Variants in FAM227B observed in about 807,000 individuals in gnomAD.
FAM227B encodes the protein protein FAM227B.
FAM227B carries 88 observed loss-of-function variants against 73.8 expected under a neutral mutation model. The ratio of observed to expected loss-of-function variants is 1.19; its 90% CI spans 1.00 to 1.42. FAM227B has a LOEUF of 1.42. Among genes scored for constraint, FAM227B ranks in the 40% most tolerant of loss-of-function variants. The probability of loss-of-function intolerance (pLI) is 0.00; values close to 1 mark genes in which losing one functional copy is unlikely to be tolerated. For missense variants in FAM227B, 632 were observed against 590.9 expected, an observed-to-expected ratio of 1.07 and a Z score of -0.72; for synonymous variants, 210 against 190.5, an observed-to-expected ratio of 1.10 and a Z score of -0.84.
chr15:49,340,403 G>GC (rs373386438), intron 13 of FAM227B, among the ~76,000 whole-genome samples: 10,439 of 94,434 alleles, frequency 0.11, 514 homozygotes, highest in Non-Finnish European at 0.15. Context: ...GCAGTGCCCC[G>GC]CCCCCCCCCT....
intron 11 of FAM227B, among the ~76,000 whole-genome samples, chr15:49,452,782 A>G (rs1056838426): frequency 1.3e-5 from 2 of 152,132 alleles, no homozygotes; most frequent in African/African-American, 4.8e-5. Flanking sequence ...AATAATGAAT[A>G]CTGTATATGT....
chr15:49,509,434 A>G (rs1385363227), intron 10 of FAM227B, among the ~76,000 whole-genome samples: 1 of 152,096 alleles, frequency 6.6e-6, no homozygotes. Context: ...AAAGAGAGAG[A>G]GGGATTACTA....
chr15:49,450,932 C>G (rs968890332), intron 11 of FAM227B, among the ~76,000 whole-genome samples: 1 of 152,134 alleles, frequency 6.6e-6, no homozygotes, highest in Admixed American at 6.6e-5. Context: ...AGTATAGCTA[C>G]AGCTAATCAA....
At chr15:49,480,867 T>A (rs2055882414) in intron 11 of FAM227B, among the ~76,000 whole-genome samples, 1 of 152,164 alleles carries the variant, frequency 6.6e-6, no homozygotes, top group Non-Finnish European at 1.5e-5. Flanking sequence ...AGGGGCAATA[T>A]GAACTTATTG....
chr15:49,517,795 T>C (rs1177247727), intron 10 of FAM227B, among the ~76,000 whole-genome samples: 5 of 152,192 alleles, frequency 3.3e-5, no homozygotes, highest in East Asian at 3.8e-4. Flanking sequence ...TTCTAGTTAC[T>C]ACCCATTCCA....
chr15:49,591,484 C>T (rs1322829089), intron 3 of FAM227B, among the ~76,000 whole-genome samples: 2 of 55,410 alleles, frequency 3.6e-5, no homozygotes, highest in South Asian at 6.7e-4. Context: ...CCCTTCCTTC[C>T]TTTTTTTTTT....
chr15:49,513,763 T>TA (rs772159934), intron 10 of FAM227B, among the ~76,000 whole-genome samples: 1 of 152,322 alleles, frequency 6.6e-6, no homozygotes, highest in Non-Finnish European at 1.5e-5. Context: ...CATCTTGAGT[T>TA]ATATTTTTAT....
chr15:49,490,410 A>G (rs2056987362), intron 11 of FAM227B, among the ~76,000 whole-genome samples: 1 of 151,980 alleles, frequency 6.6e-6, no homozygotes, highest in African/African-American at 2.4e-5. Context: ...TAAAATTGCA[A>G]TTGTTTTCCA....
At chr15:49,453,690 G>A (rs2052996413) in intron 11 of FAM227B, among the ~76,000 whole-genome samples, 2 of 152,116 alleles carry the variant, frequency 1.3e-5, no homozygotes, top group Non-Finnish European at 2.9e-5. Context: ...CCCACGTGCT[G>A]TTTAATCTGA....
In FAM227B at chr15:49,599,402, T is replaced by C. The variant is rs116450346; in HGVS notation, c.106-9395A>G. ...TTTCAGAAAACACAATTCAGTTTTG[T>C]TGATCATCTCTATTGTTTTTCCAGT... On this transcript the variant is annotated intron_variant, in intron 3 of 15. Coordinates refer to ENST00000299338, the MANE Select transcript of FAM227B (RefSeq NM_152647.3). Among the ~76,000 whole-genome samples, 914 of 152,150 alleles carry C rather than the reference T, an allele frequency of 6.0e-3. 15 individuals are homozygous for C. The highest frequency in any genetic ancestry group is 0.021 in the African/African-American group (885 of 41,556).
chr15:49,478,588 G>A (rs1489473043), intron 11 of FAM227B, among the ~76,000 whole-genome samples: 8 of 151,974 alleles, frequency 5.3e-5, no homozygotes, highest in Non-Finnish European at 1.2e-4. Context: ...GTTTTAACAT[G>A]CCAAAGAGGG....
intron 3 of FAM227B, among the ~76,000 whole-genome samples, chr15:49,596,633 T>C (rs1413736812): frequency 1.3e-5 from 2 of 151,874 alleles, no homozygotes; most frequent in Non-Finnish European, 2.9e-5. Flanking sequence ...TCTCAATACA[T>C]TGGATGTAAA....
chr15:49,471,656 A>G (rs1168439680), intron 11 of FAM227B, among the ~76,000 whole-genome samples: 1 of 152,082 alleles, frequency 6.6e-6, no homozygotes, highest in Non-Finnish European at 1.5e-5. Context: ...CTAATCAAGA[A>G]TGGCGAATCT....
intron 10 of FAM227B, 91 bp downstream of exon 10, chr15:49,541,589 C>G: frequency 8.7e-7 from 1 of 1,151,666 alleles, no homozygotes; most frequent in Admixed American, 3.1e-5. Context: ...AAAAGAACTA[C>G]CAATATTTTT....
At chr15:49,446,894 A>G (rs1158628287) in intron 11 of FAM227B, among the ~76,000 whole-genome samples, 1 of 151,508 alleles carries the variant, frequency 6.6e-6, no homozygotes, top group Non-Finnish European at 1.5e-5. Flanking sequence ...ACTAAAGAGA[A>G]GGAAAAGCAA....
chr15:49,563,915 G>C (rs923932717), intron 9 of FAM227B, among the ~76,000 whole-genome samples: 1 of 152,110 alleles, frequency 6.6e-6, no homozygotes, highest in African/African-American at 2.4e-5. Flanking sequence ...TACCTTTCTG[G>C]ACATTGGCCT....
In FAM227B at chr15:49,430,915, G is replaced by T. The variant is rs570252603; in HGVS notation, c.1013-59516C>A. On this transcript the variant is annotated intron_variant, in intron 11 of 15. Transcript: ENST00000299338. Reference sequence around the variant, plus strand: ...AAGGGTCTATCCAGATCAGAGAAAAGACATAAAGCTAGAGGACTGTTCTCT... The same window carrying T: ...AAGGGTCTATCCAGATCAGAGAAAATACATAAAGCTAGAGGACTGTTCTCT... 9.4e-4 allele frequency among the ~76,000 whole-genome samples: 143 copies of T among 151,836 alleles called. 5 individuals are homozygous for T. In the South Asian group the frequency reaches 0.027, roughly 29 times the overall value.
At chr15:49,528,627 AAAC>A (rs1472699183) in intron 10 of FAM227B, among the ~76,000 whole-genome samples, 4 of 151,910 alleles carry the variant, frequency 2.6e-5, no homozygotes, top group African/African-American at 7.2e-5. Context: ...CACAATCTAC[AAAC>A]AACAAGAGAA....
intron 9 of FAM227B, among the ~76,000 whole-genome samples, chr15:49,565,955 T>G (rs958038039): frequency 6.6e-6 from 1 of 152,194 alleles, no homozygotes; most frequent in Non-Finnish European, 1.5e-5. Flanking sequence ...AGGCAAGGAA[T>G]AGATTCTCCT....
Sources: allele counts gnomAD v4.1 joint callset (sites outside exome capture counted in the v4.1 genomes callset), GRCh38; gene constraint gnomAD v4.1.1; transcripts MANE v1.5; gene names NCBI Gene and HGNC (gene_info 2026-07-23, HGNC 2026-07-21).